The following L3MBTL4 variants were observed in gnomAD, a reference collection of about 807,000 sequenced individuals.
L3MBTL4 encodes L3MBTL histone methyl-lysine binding protein 4, also known as lethal(3)malignant brain tumor-like protein 4.
L3MBTL4 carries 70 observed loss-of-function variants against 84.5 expected under a neutral mutation model. The observed-to-expected ratio is 0.83, with a 90% CI of 0.68 to 1.01. L3MBTL4 has a LOEUF of 1.01. Ranked by LOEUF, L3MBTL4 falls within the 50% of genes least tolerant of loss-of-function variation. The probability of loss-of-function intolerance (pLI) is 0.00; values close to 1 mark genes in which losing one functional copy is unlikely to be tolerated. For missense variants in L3MBTL4, 715 were observed against 754.8 expected (o/e 0.95, Z 0.62); for synonymous variants, 274 against 259.8 (o/e 1.05, Z -0.52).
At chr18:6,236,572 T>C (rs958701252) in intron 10 of L3MBTL4, among the ~76,000 whole-genome samples, 1 of 152,176 alleles carries the variant, frequency 6.6e-6, no homozygotes, top group African/African-American at 2.4e-5. Flanking sequence ...GCATTCCATG[T>C]CTCTAGGCAC....
chr18:6,097,343 T>A (rs537844733), intron 14 of L3MBTL4, among the ~76,000 whole-genome samples: 2 of 152,328 alleles, frequency 1.3e-5, no homozygotes, highest in South Asian at 4.1e-4. Flanking sequence ...ATTTTTAATA[T>A]CTGATGACAA....
At chr18:6,172,907 T>C (rs1599007071) in intron 12 of L3MBTL4, among the ~76,000 whole-genome samples, 1 of 152,216 alleles carries the variant, frequency 6.6e-6, no homozygotes, top group Non-Finnish European at 1.5e-5. Context: ...AAATTCTATA[T>C]ATTCAGTCCC....
intron 16 of L3MBTL4, among the ~76,000 whole-genome samples, chr18:6,042,935 C>A (rs1181606877): frequency 6.6e-6 from 1 of 152,180 alleles, no homozygotes; most frequent in African/African-American, 2.4e-5. Context: ...CACATTAAGA[C>A]GTAACTCAAT....
At chr18:6,268,224 G>A (rs978076535) in intron 4 of L3MBTL4, among the ~76,000 whole-genome samples, 14 of 152,016 alleles carry the variant, frequency 9.2e-5, no homozygotes, top group African/African-American at 2.2e-4. Context: ...TGGCCAACAC[G>A]GTGAAACCCC....
intron 16 of L3MBTL4, chr18:6,030,854 C>T (rs766916331): frequency 6.0e-5 from 59 of 985,012 alleles, no homozygotes; most frequent in Non-Finnish European, 7.0e-5. Context: ...ATGAAACATA[C>T]TGAAACTGCA....
chr18:6,210,575 T>C (rs1352364456), intron 12 of L3MBTL4, among the ~76,000 whole-genome samples: 2 of 152,192 alleles, frequency 1.3e-5, no homozygotes, highest in African/African-American at 4.8e-5. Context: ...ATAACAACAG[T>C]ACCTTATTTC....
chr18:5,990,758 A>G (rs2053653427), intron 16 of L3MBTL4, among the ~76,000 whole-genome samples: 1 of 141,452 alleles, frequency 7.1e-6, no homozygotes, highest in East Asian at 2.2e-4. Context: ...AAACTTTAGT[A>G]GGGTTCATGT....
At chr18:6,126,422 T>C (rs2059697143) in intron 14 of L3MBTL4, among the ~76,000 whole-genome samples, 1 of 152,210 alleles carries the variant, frequency 6.6e-6, no homozygotes, top group Admixed American at 6.5e-5. Context: ...CCTTAATCAA[T>C]GTACTGCTCT....
chr18:5,999,378 C>T (rs2054118523), intron 16 of L3MBTL4, among the ~76,000 whole-genome samples: 1 of 152,224 alleles, frequency 6.6e-6, no homozygotes, highest in Non-Finnish European at 1.5e-5. Flanking sequence ...TTACCCTATG[C>T]TACCCTGTAA....
intron 1 of L3MBTL4, among the ~76,000 whole-genome samples, chr18:6,355,510 A>G (rs1234247846): frequency 6.6e-6 from 1 of 152,154 alleles, no homozygotes; most frequent in East Asian, 1.9e-4. Context: ...TTGTCTACAA[A>G]GCACTTCAGA....
intron 12 of L3MBTL4, among the ~76,000 whole-genome samples, chr18:6,177,547 T>C (rs2145292689): frequency 6.6e-6 from 1 of 152,362 alleles, no homozygotes; most frequent in Admixed American, 6.5e-5. Context: ...GGATATATTA[T>C]ACATTTTTCA....
chr18:6,177,997 A>C (rs1025376014), intron 12 of L3MBTL4, among the ~76,000 whole-genome samples: 3 of 152,004 alleles, frequency 2.0e-5, no homozygotes, highest in Non-Finnish European at 4.4e-5. Flanking sequence ...CAGGACAAAT[A>C]CCCCAGCAAG....
chr18:6,368,910 C>T (rs1045391822), intron 1 of L3MBTL4, among the ~76,000 whole-genome samples: 8 of 152,054 alleles, frequency 5.3e-5, no homozygotes, highest in South Asian at 2.1e-4. Context: ...GGTGTGATGG[C>T]GCACACCTGT....
intron 1 of L3MBTL4, among the ~76,000 whole-genome samples, chr18:6,411,848 T>C (rs757749980): frequency 2.7e-4 from 41 of 152,194 alleles, no homozygotes; most frequent in Non-Finnish European, 5.4e-4. Flanking sequence ...TTTTCTGTTG[T>C]TTAAGGATGA....
intron 1 of L3MBTL4, among the ~76,000 whole-genome samples, chr18:6,373,762 A>G (rs1278121431): frequency 6.6e-6 from 1 of 151,832 alleles, no homozygotes; most frequent in Non-Finnish European, 1.5e-5. Context: ...ATCTGCCCAA[A>G]TGTCAAGTGA....
chr18:6,362,085 G>A (rs901219802), intron 1 of L3MBTL4, among the ~76,000 whole-genome samples: 1 of 149,498 alleles, frequency 6.7e-6, no homozygotes, highest in Non-Finnish European at 1.5e-5. Flanking sequence ...CTCCAGCCTC[G>A]GTGACAGGGC....
At chr18:6,357,343 G>A (rs2143917358) in intron 1 of L3MBTL4, among the ~76,000 whole-genome samples, 1 of 152,204 alleles carries the variant, frequency 6.6e-6, no homozygotes, top group African/African-American at 2.4e-5. Context: ...AACTTCAGAA[G>A]AAAAAATTTA....
chr18:5,960,297 G>A (rs985768802), intron 17 of L3MBTL4, 141 bp from the exon 18 acceptor site: 1 of 379,924 alleles, frequency 2.6e-6, no homozygotes, highest in Non-Finnish European at 4.9e-6. Flanking sequence ...AGTTGCATTA[G>A]CATTTGTCAA....
At chr18:6,311,409 C>A in intron 3 of L3MBTL4, 145 bp downstream of exon 3, 1 of 651,780 alleles carries the variant, frequency 1.5e-6, no homozygotes, top group Non-Finnish European at 2.8e-6. Flanking sequence ...ATTCTATACC[C>A]CTACACATAA....
Sources: allele counts gnomAD v4.1 joint callset (sites outside exome capture counted in the v4.1 genomes callset), GRCh38; gene constraint gnomAD v4.1.1; transcripts MANE v1.5; gene names NCBI Gene and HGNC (gene_info 2026-07-23, HGNC 2026-07-21).